DOK6: variants seen among roughly 807,000 people sequenced by gnomAD.
DOK6 encodes docking protein 6.
Under a neutral mutation model 44.0 loss-of-function variants are expected in DOK6, and 22 were observed. The ratio of observed to expected loss-of-function variants is 0.50; its 90% confidence interval spans 0.36 to 0.71. The LOEUF (loss-of-function observed/expected upper bound fraction) is 0.71. DOK6 is among the 30% of genes least tolerant of loss of function. The pLI is 0.00. For synonymous variants in DOK6, 166 were observed against 145.5 expected (o/e 1.14, Z -1.01); for missense variants, 340 against 416.4 (o/e 0.82, Z 1.60).
At chr18:69,721,861 T>C (rs867374961) in intron 5 of DOK6, among the ~76,000 whole-genome samples, 8 of 152,222 alleles carry the variant, frequency 5.3e-5, no homozygotes, top group Non-Finnish European at 1.0e-4. Context: ...TTAAATAGAA[T>C]GAAGCTAAAG....
At chr18:69,590,578 C>A (rs1298403908) in intron 2 of DOK6, among the ~76,000 whole-genome samples, 1 of 152,070 alleles carries the variant, frequency 6.6e-6, no homozygotes, top group Non-Finnish European at 1.5e-5. Context: ...GTGCAGGTAG[C>A]AACTAAATCA....
intron 7 of DOK6, among the ~76,000 whole-genome samples, chr18:69,780,525 G>T (rs1980231825): frequency 6.6e-6 from 1 of 152,202 alleles, no homozygotes; most frequent in Admixed American, 6.5e-5. Context: ...CCAGGAGATG[G>T]AGGTTGTAGT....
intron 7 of DOK6, among the ~76,000 whole-genome samples, chr18:69,808,598 C>T (rs915363412): frequency 2.0e-5 from 3 of 151,716 alleles, no homozygotes; most frequent in Non-Finnish European, 3.0e-5. Context: ...AAAGAGGAGA[C>T]ATCACAACTG....
intron 1 of DOK6, among the ~76,000 whole-genome samples, chr18:69,486,627 G>A (rs931948383): frequency 1.3e-5 from 2 of 152,116 alleles, no homozygotes; most frequent in Non-Finnish European, 2.9e-5. Context: ...TTTGTTGAAG[G>A]TTTTATTTTA....
At chr18:69,546,530 G>A (rs1568292287) in intron 1 of DOK6, among the ~76,000 whole-genome samples, 1 of 151,358 alleles carries the variant, frequency 6.6e-6, no homozygotes, top group Non-Finnish European at 1.5e-5. Context: ...TACAGTTTGT[G>A]GGGTACTACC....
intron 1 of DOK6, among the ~76,000 whole-genome samples, chr18:69,438,948 T>C (rs892664438): frequency 6.6e-6 from 1 of 152,144 alleles, no homozygotes; most frequent in African/African-American, 2.4e-5. Flanking sequence ...AGCACACGCC[T>C]GTAGTTCCAG....
At chr18:69,490,562 A>G (rs914225910) in intron 1 of DOK6, among the ~76,000 whole-genome samples, 3 of 152,170 alleles carry the variant, frequency 2.0e-5, no homozygotes, top group Non-Finnish European at 4.4e-5. Context: ...TAAGCTAGAA[A>G]ATACTTTTTT....
chr18:69,698,344 TG>T (rs1986434239), intron 4 of DOK6, 59 bp from the exon 5 acceptor site: 26 of 1,450,496 alleles, frequency 1.8e-5, no homozygotes, highest in Admixed American at 2.1e-5. Context: ...TAATATCGTA[TG>T]GCCATAGACA....
intron 6 of DOK6, among the ~76,000 whole-genome samples, chr18:69,744,945 A>AC (rs1555667556): frequency 1.3e-5 from 2 of 151,276 alleles, no homozygotes; most frequent in Non-Finnish European, 2.9e-5. Flanking sequence ...AAAAAAAAAA[A>AC]AACACCCACA....
rs1476637952 is a variant in DOK6 at position 69,662,773 on chromosome 18, AATG to A, written c.290-14957_290-14955del. On this transcript the variant is annotated intron_variant, in intron 3 of 7. Coordinates refer to ENST00000382713, the MANE Select transcript of DOK6 (RefSeq NM_152721.6). ...AACACTGTCCCATTGCCAACTCCAC[AATG>A]ATGTTTAGCTTTACTGAACTTCCTC... The A allele has an allele frequency of 2.6e-5, 4 of 152,180 alleles. No individual in the cohort carries two copies. In the South Asian group the frequency reaches 8.3e-4, roughly 31 times the overall value. The allele number at this position is 152,180 out of a possible 1,614,324, so 9.4% of individuals were successfully genotyped here.
chr18:69,606,643 G>T (rs1314958474), intron 3 of DOK6, among the ~76,000 whole-genome samples: 4 of 151,342 alleles, frequency 2.6e-5, no homozygotes, highest in African/African-American at 9.7e-5. Context: ...GAAACCCTAA[G>T]ACTCCATTTA....
chr18:69,840,075 G>C (rs17081708), intron 7 of DOK6, among the ~76,000 whole-genome samples: 5,190 of 152,322 alleles, frequency 0.034, 120 homozygotes, highest in African/African-American at 0.045. Context: ...GCTTCCCACA[G>C]TGAGAGAGTA....
intron 7 of DOK6, among the ~76,000 whole-genome samples, chr18:69,772,561 C>T (rs552610264): frequency 1.3e-5 from 2 of 152,110 alleles, no homozygotes; most frequent in South Asian, 4.1e-4. Flanking sequence ...CAAATCGCAA[C>T]ATTATAAAGC....
intron 7 of DOK6, 115 bp from the exon 8 acceptor site, chr18:69,841,129 C>T (rs1982203535): frequency 7.3e-7 from 1 of 1,361,004 alleles, no homozygotes; most frequent in Non-Finnish European, 1.0e-6. Flanking sequence ...AAGCTGCTGC[C>T]TTGTTTATTG....
At chr18:69,758,883 CAAGCAAACTG>C (rs1468988512) in intron 7 of DOK6, among the ~76,000 whole-genome samples, 23 of 135,136 alleles carry the variant, frequency 1.7e-4, no homozygotes, top group African/African-American at 4.6e-4. Flanking sequence ...ATTTCCGTTG[CAAGCAAACTG>C]AAGTAATGTG....
chr18:69,748,265 G>A (rs963273276), intron 6 of DOK6, among the ~76,000 whole-genome samples: 1 of 152,008 alleles, frequency 6.6e-6, no homozygotes, highest in African/African-American at 2.4e-5. Context: ...GACCTATAAA[G>A]AGACTTAGAT....
chr18:69,459,119 G>T (rs187186382), intron 1 of DOK6, among the ~76,000 whole-genome samples: 1 of 113,172 alleles, frequency 8.8e-6, no homozygotes, highest in African/African-American at 3.6e-5. Flanking sequence ...CAAAAAAAAG[G>T]AAGGAAGGAA....
At chr18:69,657,255 T>C (rs1199534003) in intron 3 of DOK6, among the ~76,000 whole-genome samples, 1 of 152,192 alleles carries the variant, frequency 6.6e-6, no homozygotes, top group Non-Finnish European at 1.5e-5. Flanking sequence ...CCTTTCTCTG[T>C]TAGAATATTA....
chr18:69,754,283 G>GGCGGAGATT (rs1555668451), intron 6 of DOK6, among the ~76,000 whole-genome samples: 1 of 151,146 alleles, frequency 6.6e-6, no homozygotes, highest in Non-Finnish European at 1.5e-5. Context: ...GAGCTTGGGA[G>GGCGGAGATT]GCGGAGATTG....
Sources: allele counts gnomAD v4.1 joint callset (sites outside exome capture counted in the v4.1 genomes callset), GRCh38; gene constraint gnomAD v4.1.1; transcripts MANE v1.5; gene names NCBI Gene and HGNC (gene_info 2026-07-23, HGNC 2026-07-21).